Variants in CARMIL2 observed in about 807,000 individuals in gnomAD.
CARMIL2 encodes capping protein, Arp2/3 and myosin-I linker protein 2.
CARMIL2 carries 96 observed loss-of-function variants against 173.3 expected under a neutral mutation model. The observed-to-expected ratio is 0.55, with a 90% CI of 0.47 to 0.66. The LOEUF (loss-of-function observed/expected upper bound fraction) is 0.66. Among genes scored for constraint, CARMIL2 ranks in the 30% least tolerant of loss-of-function variants. The pLI is 0.00. For synonymous variants in CARMIL2, 830 were observed against 817.1 expected, an observed-to-expected ratio of 1.02 and a Z score of -0.27; for missense variants, 1,771 against 1,906.7, an observed-to-expected ratio of 0.93 and a Z score of 1.33.
At position 67,656,067 on chromosome 16, in the gene CARMIL2, G is replaced by GGTAA; in HGVS notation, c.3742+3_3742+6dup. The GGTAA allele has an allele frequency of 6.2e-7, 1 of 1,605,112 alleles. No homozygotes were observed. Among genetic ancestry groups the GGTAA allele is most frequent in the Non-Finnish European group, 8.5e-7 (1 of 1,175,756 alleles). On this transcript the variant is annotated frameshift_variant and splice_region_variant. Coordinates refer to ENST00000334583, the MANE Select transcript of CARMIL2 (RefSeq NM_001013838.3). LOFTEE classifies it high-confidence loss of function. ...CGAGATCAAGAAAGCTGGCTCAGAT[G>GGTAA]GTAAGTGGGACCCTGGGGTGTGGCA... is the stretch of plus-strand genomic sequence containing the variant.
In CARMIL2 at chr16:67,656,548, TC is replaced by T; in HGVS notation, c.3942del (p.Ser1315ProfsTer35). The T allele has an allele frequency of 6.2e-7, 1 of 1,613,158 alleles. No homozygotes were observed. On this transcript the variant is annotated frameshift_variant, in exon 35 of 38. Transcript: ENST00000334583. LOFTEE classifies it high-confidence loss of function. Reference protein sequence around the residue: ...GWGQQDGPGPPSPGQSPSPCR... With the variant: ...GWGQQDGPGPXSPGQSPSPCR... ...GGGGCCAACAGGATGGTCCAGGCCC[TC>T]CCTCCCCTGGTCAAAGCCCAAGTCC...
Position 67,647,707 on chromosome 16 carries a change from A to G in CARMIL2, c.899A>G (p.Glu300Gly), listed in dbSNP as rs1279901039. 1 of 1,595,280 alleles carries G rather than the reference A, an allele frequency of 6.3e-7. No individual in the cohort carries two copies. The highest frequency in any genetic ancestry group is 1.7e-5 in the Admixed American group (1 of 57,316). Residue 300 changes from glutamate (E) to glycine (G), a missense_variant, in exon 12 of 38, where the codon GAG becomes GGG. Glu to Gly is a moderately conservative substitution (Grantham distance 98). Coordinates refer to ENST00000334583, the MANE Select transcript of CARMIL2 (RefSeq NM_001013838.3). ...RGMTALSRHL[E>G]RCPGALRRLS... ...ATGACTGCACTCAGCAGACACCTCGAGCGTTGTCCAGGAGCCCTGAGGAGA... is the reference window on the plus strand; with the variant it reads ...ATGACTGCACTCAGCAGACACCTCGGGCGTTGTCCAGGAGCCCTGAGGAGA...
rs1333712460 is a variant in CARMIL2 at position 67,651,244 on chromosome 16, G to T, written c.2242G>T (p.Ala748Ser). Reference sequence around the variant, plus strand: ...GCATGTGGAGCTGCTGGGCTGTGGGGCTGGGCCCCAGGGTGAAGCCGCTGT... The same window carrying T: ...GCATGTGGAGCTGCTGGGCTGTGGGTCTGGGCCCCAGGGTGAAGCCGCTGT... Reference protein sequence around the residue: ...QEHVELLGCGAGPQGEAAVRQ... With the variant: ...QEHVELLGCGSGPQGEAAVRQ... Residue 748 changes from alanine (A) to serine (S), a missense_variant, in exon 23 of 38, where the codon GCT (alanine) becomes TCT (serine). This residue lies in a region of CARMIL2 where 10 missense variants were observed against 27.6 expected (regional missense o/e 0.36). Coordinates refer to ENST00000334583, the MANE Select transcript of CARMIL2 (RefSeq NM_001013838.3). The surrounding 1 kb of genome is among the most constrained non-coding windows in gnomAD (Gnocchi z 4.2). 7 of 1,613,500 alleles carry T rather than the reference G, an allele frequency of 4.3e-6. No individual in the cohort carries two copies. The highest frequency in any genetic ancestry group is 4.0e-5 in the African/African-American group (3 of 74,940).
chr16:67,654,681 A>G lies in CARMIL2; in HGVS notation c.3571A>G (p.Arg1191Gly), dbSNP rs1158865726. Residue 1191 changes from arginine to glycine, a missense_variant, in exon 31 of 38, where the codon AGA (arginine) becomes GGA (glycine). Around this residue, in one of 3 missense-constraint regions of CARMIL2, gnomAD observed 817 missense variants for 903.5 expected, o/e 0.90. Transcript: ENST00000334583. Reference sequence around the variant, plus strand: ...CGAGGAGGAGGCAACGCTGGGTGCCAGACCCGACAAGGTGAGGCTTGCTGA... The same window carrying G: ...CGAGGAGGAGGCAACGCTGGGTGCCGGACCCGACAAGGTGAGGCTTGCTGA... ...PAEEEATLGARPDKRRPLERG... is the reference protein window; with the variant it reads ...PAEEEATLGAGPDKRRPLERG... 1 of 1,591,492 alleles carries G rather than the reference A, an allele frequency of 6.3e-7. No homozygotes were observed. Among genetic ancestry groups the G allele is most frequent in the South Asian group, 1.1e-5 (1 of 87,936 alleles).
rs897826999 is a variant in CARMIL2 at position 67,645,484 on chromosome 16, G to T, written c.41-56G>T. 3.7e-5 allele frequency: 55 copies of T among 1,475,448 alleles called. 1 individual carries two copies. Among genetic ancestry groups the T allele is most frequent in the Non-Finnish European group, 5.1e-5 (55 of 1,076,882 alleles). The allele number at this position is 1,475,448 out of a possible 1,614,324, so 91.4% of individuals were successfully genotyped here. A position where few individuals can be genotyped will look rare whatever the true frequency, so the allele number is the denominator to read the frequency against. ...GGCCCCAGCCTGGCACAGACTGTGG[G>T]CACCAGTGGCTTCTGTGCAAGGACT... On this transcript the variant is annotated intron_variant, in intron 1 of 37. Coordinates refer to ENST00000334583, the MANE Select transcript of CARMIL2 (RefSeq NM_001013838.3).
rs1195121574 is a variant in CARMIL2, at chr16:67,648,371, C to G, written c.1335-27C>G. 1.3e-6 allele frequency: 2 copies of G among 1,538,940 alleles called. No homozygotes were observed. Among genetic ancestry groups the G allele is most frequent in the African/African-American group, 2.7e-5 (2 of 73,270 alleles). On this transcript the variant is annotated intron_variant, in intron 14 of 37. Transcript: ENST00000334583. This position sits in a 1 kb window ranked among gnomAD's most constrained non-coding sequence, Gnocchi z 6.1. ...TGCTGGAAGCCGCCTCCTTGCGGCC[C>G]CAGGCCCACCTTCCCACTTCCCCCA...
At position 67,647,328 on chromosome 16, in the gene CARMIL2, C is replaced by T. The variant is rs1597744923; in HGVS notation, c.717C>T (p.His239=). The stretch of plus-strand genomic sequence containing the variant: ...TTGAGGTCTCAGAACAGATTCTGCA[C>T]ATGATGAGTCAGTCATCACACCTGG... ...LSLEVSEQIL[H]MMSQSSHLEE... The change falls in exon 10 of 38, where the codon CAC becomes CAT. Residue 239 remains histidine (H), a synonymous_variant. Coordinates refer to ENST00000334583, the MANE Select transcript of CARMIL2 (RefSeq NM_001013838.3). The T allele has an allele frequency of 1.3e-6, 2 of 1,593,192 alleles. No homozygotes were observed. The highest frequency in any genetic ancestry group is 4.5e-5 in the East Asian group (2 of 43,982).
chr16:67,657,468 A>C lies in CARMIL2; in HGVS notation c.4258A>C (p.Ser1420Arg), dbSNP rs1024891820. ...CACAGAGCCCTCCAGCCCTGAGCGG[A>C]GCCCACCCTCCCCAGCCACAGACCA... ...QPTEPSSPER[S>R]PPSPATDQRG... Residue 1420 changes from serine to arginine, a missense_variant, in exon 38 of 38, where the codon AGC becomes CGC. This residue lies in a region of CARMIL2 where 817 missense variants were observed against 903.5 expected (regional missense o/e 0.90). Coordinates refer to ENST00000334583, the MANE Select transcript of CARMIL2 (RefSeq NM_001013838.3). The surrounding 1 kb of genome is among the most constrained non-coding windows in gnomAD (Gnocchi z 4.5). 1.9e-6 allele frequency: 3 copies of C among 1,611,702 alleles called. No individual in the cohort carries two copies. The highest frequency in any genetic ancestry group is 2.5e-6 in the Non-Finnish European group (3 of 1,179,024).
Position 67,646,404 on chromosome 16 carries a change from C to A in CARMIL2, c.375-22C>A. 6.2e-7 allele frequency: 1 copy of A among 1,611,004 alleles called. No homozygotes were observed. Among genetic ancestry groups the A allele is most frequent in the Non-Finnish European group, 8.5e-7 (1 of 1,178,198 alleles). On this transcript the variant is annotated intron_variant, in intron 5 of 37. Transcript: ENST00000334583. This position sits in a 1 kb window ranked among gnomAD's most constrained non-coding sequence, Gnocchi z 4.6. ...CCAGAGGCTGGAAGTCCTTTGCCCC[C>A]TTCTCCTTAACCCCCTACCAGGAAG...
rs1439056526 is a variant in CARMIL2, at chr16:67,646,737, G to A, written c.490G>A (p.Ala164Thr). 1.1e-5 allele frequency: 17 copies of A among 1,613,842 alleles called. No individual in the cohort carries two copies. Among genetic ancestry groups the A allele is most frequent in the Non-Finnish European group, 1.3e-5 (15 of 1,179,882 alleles). ...PCGGFLETYE[A>T]LCDYNGFPFR... is the part of the protein sequence containing the mutation. The stretch of plus-strand genomic sequence containing the variant: ...AGGTGGCTTCTTGGAGACATACGAG[G>A]CTCTGTGTGACTACAATGGCTTCCC... The change falls in exon 7 of 38, where the codon GCT (alanine) becomes ACT (threonine). Residue 164 changes from alanine (A) to threonine (T), a missense_variant. Coordinates refer to ENST00000334583, the MANE Select transcript of CARMIL2 (RefSeq NM_001013838.3). This position sits in a 1 kb window ranked among gnomAD's most constrained non-coding sequence, Gnocchi z 4.6.
Position 67,648,426 on chromosome 16 carries a change from C to T in CARMIL2, c.1363C>T (p.Gln455Ter). 6.6e-7 allele frequency: 1 copy of T among 1,516,160 alleles called. No homozygotes were observed. 93.9% of individuals were successfully genotyped at this position (1,516,160 alleles called of 1,614,324 possible). A position where few individuals can be genotyped will look rare whatever the true frequency, so the allele number is the denominator to read the frequency against. The change falls in exon 15 of 38, where the codon CAG becomes TAG. Residue 455 changes from glutamine (Q) to a stop codon, truncating the protein, a stop_gained. Coordinates refer to ENST00000334583, the MANE Select transcript of CARMIL2 (RefSeq NM_001013838.3). LOFTEE classifies it high-confidence loss of function. The surrounding 1 kb of genome is among the most constrained non-coding windows in gnomAD (Gnocchi z 6.1). ...TKSRAAPAALQLFLSRARTLR... is the reference protein window; with the variant it reads ...TKSRAAPAAL Reference sequence around the variant, plus strand: ...GTCCCGCGCCGCGCCGGCCGCGCTGCAGCTCTTCCTCAGCCGCGCGCGGAC... The same window carrying T: ...GTCCCGCGCCGCGCCGGCCGCGCTGTAGCTCTTCCTCAGCCGCGCGCGGAC...
At position 67,648,337 on chromosome 16, in the gene CARMIL2, G is replaced by C. The variant is rs908533455; in HGVS notation, c.1334+23G>C. ...CACGTAAGGGGGACCTGTCGGGGCC[G>C]GGGGAGGCTGCTGGAAGCCGCCTCC... On this transcript the variant is annotated intron_variant, in intron 14 of 37. Coordinates refer to ENST00000334583, the MANE Select transcript of CARMIL2 (RefSeq NM_001013838.3). This position sits in a 1 kb window ranked among gnomAD's most constrained non-coding sequence, Gnocchi z 6.1. 3.8e-6 allele frequency: 6 copies of C among 1,568,396 alleles called. No homozygotes were observed. The highest frequency in any genetic ancestry group is 3.7e-5 in the Admixed American group (2 of 54,458).
rs767332390 is a variant in CARMIL2, at chr16:67,651,940, A to T, written c.2608A>T (p.Thr870Ser). 1 of 1,613,528 alleles carries T rather than the reference A, an allele frequency of 6.2e-7. No individual in the cohort carries two copies. The highest frequency in any genetic ancestry group is 1.7e-5 in the Admixed American group (1 of 60,012). ...TRLRDMRLSI[T>S]GTLAESIVAQ... ...CCTTAGGGACATGCGGCTATCAATC[A>T]CGGGGACCTTGGCAGAGAGCATTGT... is the stretch of plus-strand genomic sequence containing the variant. Residue 870 changes from threonine to serine, a missense_variant, in exon 26 of 38, where the codon ACG becomes TCG. By Grantham distance (58) the Thr-to-Ser change is moderately conservative (BLOSUM62 1). Coordinates refer to ENST00000334583, the MANE Select transcript of CARMIL2 (RefSeq NM_001013838.3). This position sits in a 1 kb window ranked among gnomAD's most constrained non-coding sequence, Gnocchi z 4.2.
rs181904109 is a variant in CARMIL2 at position 67,651,278 on chromosome 16, C to G, written c.2276C>G (p.Ala759Gly). Reference protein sequence around the residue: ...GPQGEAAVRQAEDAIQNANFS... With the variant: ...GPQGEAAVRQGEDAIQNANFS... ...CAGGGTGAAGCCGCTGTGCGCCAGG[C>G]CGAGGATGCCATCCAAAATGCCAAC... The change falls in exon 23 of 38, where the codon GCC (alanine) becomes GGC (glycine). Residue 759 changes from alanine (A) to glycine (G), a missense_variant. Around this residue, in one of 3 missense-constraint regions of CARMIL2, gnomAD observed 817 missense variants for 903.5 expected, o/e 0.90. Coordinates refer to ENST00000334583, the MANE Select transcript of CARMIL2 (RefSeq NM_001013838.3). The surrounding 1 kb of genome is among the most constrained non-coding windows in gnomAD (Gnocchi z 4.2). 5.6e-6 allele frequency: 9 copies of G among 1,613,640 alleles called. No homozygotes were observed. In the Admixed American group the frequency reaches 1.5e-4, roughly 27 times the overall value.
At chr16:67,654,740 G>A in intron 31 of CARMIL2, 38 bp from the exon 32 acceptor site, 1 of 1,611,236 alleles carries the variant, frequency 6.2e-7, no homozygotes, top group Non-Finnish European at 8.5e-7. Flanking sequence ...GGGACCCAGG[G>A]CGCGGACTGT....
Position 67,649,385 on chromosome 16 carries a change from C to G in CARMIL2, c.1747-62C>G. The G allele has an allele frequency of 6.2e-7, 1 of 1,609,598 alleles. No homozygotes were observed. The highest frequency in any genetic ancestry group is 1.1e-5 in the South Asian group (1 of 91,056). ...TCCTCCTTTCTCTTGTTCCCTCAGA[C>G]CCTGTGACCTGCCCTCACTGACCCC... On this transcript the variant is annotated intron_variant, in intron 19 of 37. Transcript: ENST00000334583. The surrounding 1 kb of genome is among the most constrained non-coding windows in gnomAD (Gnocchi z 6.7).
Position 67,652,349 on chromosome 16 carries a change from T to C in CARMIL2, c.2817+10T>C, listed in dbSNP as rs1450356459. 1.9e-6 allele frequency: 3 copies of C among 1,613,148 alleles called. No individual in the cohort carries two copies. The South Asian group carries it at 3.3e-5, about 18-fold the overall frequency. On this transcript the variant is annotated intron_variant, in intron 27 of 37. Coordinates refer to ENST00000334583, the MANE Select transcript of CARMIL2 (RefSeq NM_001013838.3). The surrounding 1 kb of genome is among the most constrained non-coding windows in gnomAD (Gnocchi z 4.7). ...AGAGGAGAAGGAGAAGGTAAGTGGT[T>C]TTAGAACACGGGGCATGGCACTCCC...
Position 67,652,595 on chromosome 16 carries a change from C to A in CARMIL2, c.2884+57C>A. ...GTGGGTGGGCTGAAGCTCCATTAGA[C>A]TTGGGGACCCGGGGACCTGGATGAA... On this transcript the variant is annotated intron_variant, in intron 28 of 37. Transcript: ENST00000334583. The surrounding 1 kb of genome is among the most constrained non-coding windows in gnomAD (Gnocchi z 4.7). 1 of 1,533,922 alleles carries A rather than the reference C, an allele frequency of 6.5e-7. No individual in the cohort carries two copies. The highest frequency in any genetic ancestry group is 9.0e-7 in the Non-Finnish European group (1 of 1,113,480).
In CARMIL2 at chr16:67,652,644, C is replaced by T; in HGVS notation, c.2884+106C>T. 8.8e-7 allele frequency: 1 copy of T among 1,131,970 alleles called. No individual in the cohort carries two copies. The highest frequency in any genetic ancestry group is 1.4e-5 in the South Asian group (1 of 72,024). 70.1% of individuals were successfully genotyped at this position (1,131,970 alleles called of 1,614,324 possible). On this transcript the variant is annotated intron_variant, in intron 28 of 37. Transcript: ENST00000334583. This position sits in a 1 kb window ranked among gnomAD's most constrained non-coding sequence, Gnocchi z 4.7. Reference sequence around the variant, plus strand: ...AACTCATTCAGCCTTGTCTGGGTACCCACCAGCCCTTGACTGGGCCAGGTC... The same window carrying T: ...AACTCATTCAGCCTTGTCTGGGTACTCACCAGCCCTTGACTGGGCCAGGTC...
Sources: gnomAD v4.1 joint callset for allele counts on GRCh38, gnomAD v4.1.1 for gene constraint, gnomAD v4.1.1 regional missense constraint, Gnocchi (gnomAD v3.1) non-coding constraint, MANE v1.5 for transcripts, NCBI Gene and HGNC (gene_info 2026-07-23, HGNC 2026-07-21) for gene names.